AKAP19: variants seen among roughly 807,000 people sequenced by gnomAD.
AKAP19 encodes the protein small A-kinase anchoring protein.
At chr2:190,156,843 T>C in the AKAP19 span, among the ~76,000 whole-genome samples, 1 of 152,184 alleles carries the variant, frequency 6.6e-6, no homozygotes, top group African/African-American at 2.4e-5. Context: ...TAATCTGGTA[T>C]TATCCATTGT....
At chr2:190,017,898 C>T in the AKAP19 span, among the ~76,000 whole-genome samples, 1 of 152,262 alleles carries the variant, frequency 6.6e-6, no homozygotes, top group African/African-American at 2.4e-5. Context: ...GTCTCTTCCT[C>T]ATTTATAAAG....
chr2:190,115,140 AGT>A, the AKAP19 span, among the ~76,000 whole-genome samples: 2 of 123,888 alleles, frequency 1.6e-5, no homozygotes, highest in East Asian at 2.2e-4. Flanking sequence ...AGAGAGAAAG[AGT>A]GTGTGTGTGT....
At chr2:189,887,871 G>A in the AKAP19 span, among the ~76,000 whole-genome samples, 1 of 151,970 alleles carries the variant, frequency 6.6e-6, no homozygotes, top group Admixed American at 6.6e-5. Flanking sequence ...TTCTCAGATG[G>A]ATAGATTGCA....
the AKAP19 span, among the ~76,000 whole-genome samples, chr2:190,191,587 T>C: frequency 1.3e-5 from 2 of 152,214 alleles, no homozygotes; most frequent in South Asian, 4.1e-4. Context: ...CATTTTGCAT[T>C]CCCACCAGCA....
At chr2:189,909,570 A>G in the AKAP19 span, among the ~76,000 whole-genome samples, 2 of 152,014 alleles carry the variant, frequency 1.3e-5, no homozygotes, top group African/African-American at 4.8e-5. Context: ...GAAACGTGTT[A>G]TATTTATAAT....
At chr2:190,192,502 C>CTATA in the AKAP19 span, among the ~76,000 whole-genome samples, 1 of 137,952 alleles carries the variant, frequency 7.2e-6, no homozygotes, top group African/African-American at 2.9e-5. Context: ...ATCTATATAT[C>CTATA]TATATATATA....
the AKAP19 span, among the ~76,000 whole-genome samples, chr2:189,902,314 T>A: frequency 7.9e-5 from 12 of 151,996 alleles, no homozygotes; most frequent in African/African-American, 2.7e-4. Flanking sequence ...TAGTCTCTTC[T>A]TTGTTTTTTT....
At chr2:190,054,714 G>A in the AKAP19 span, among the ~76,000 whole-genome samples, 5 of 152,062 alleles carry the variant, frequency 3.3e-5, no homozygotes, top group Non-Finnish European at 7.4e-5. Context: ...GCAGCCAAAA[G>A]ACACATGAAA....
chr2:189,956,330 C>T, the AKAP19 span, among the ~76,000 whole-genome samples: 7 of 149,652 alleles, frequency 4.7e-5, no homozygotes, highest in Admixed American at 6.7e-5. Context: ...CCACTACGCC[C>T]GGCTAATTTT....
At chr2:190,097,230 C>G in the AKAP19 span, among the ~76,000 whole-genome samples, 1 of 152,236 alleles carries the variant, frequency 6.6e-6, no homozygotes, top group South Asian at 2.1e-4. Flanking sequence ...TCCCCCTAAC[C>G]CCTACCCCAA....
chr2:190,150,235 C>T, the AKAP19 span: 1 of 152,318 alleles, frequency 6.6e-6, no homozygotes, highest in Non-Finnish European at 1.5e-5. Context: ...GGCCAGGAGG[C>T]TTCTCACCCC....
At chr2:190,187,389 ACAG>A in the AKAP19 span, among the ~76,000 whole-genome samples, 2 of 150,932 alleles carry the variant, frequency 1.3e-5, no homozygotes, top group Non-Finnish European at 2.9e-5. Flanking sequence ...ATTCGTTTAC[ACAG>A]CAGATTTTAG....
At chr2:190,008,692 G>A in the AKAP19 span, among the ~76,000 whole-genome samples, 1 of 151,464 alleles carries the variant, frequency 6.6e-6, no homozygotes, top group Non-Finnish European at 1.5e-5. Context: ...TACTTTATGA[G>A]TTTCTTGGCT....
the AKAP19 span, among the ~76,000 whole-genome samples, chr2:189,907,422 G>T: frequency 6.6e-6 from 1 of 152,012 alleles, no homozygotes; most frequent in Non-Finnish European, 1.5e-5. Flanking sequence ...TCACTTACTT[G>T]AAGTTTCTGC....
chr2:189,931,034 T>C, the AKAP19 span: 1 of 598,256 alleles, frequency 1.7e-6, no homozygotes, highest in South Asian at 2.3e-5. Context: ...GGGGTGGGTG[T>C]GTGATCTGTG....
the AKAP19 span, among the ~76,000 whole-genome samples, chr2:190,102,339 AAG>A: frequency 6.6e-6 from 1 of 152,140 alleles, no homozygotes; most frequent in East Asian, 1.9e-4. Context: ...ACTAAAAAAA[AAG>A]AGTAGAACTG....
the AKAP19 span, among the ~76,000 whole-genome samples, chr2:190,124,730 T>G: frequency 6.6e-6 from 1 of 152,134 alleles, no homozygotes; most frequent in Non-Finnish European, 1.5e-5. Context: ...CTTTCTTACT[T>G]TATAAAAACT....
At chr2:189,984,649 T>C in the AKAP19 span, among the ~76,000 whole-genome samples, 10 of 152,242 alleles carry the variant, frequency 6.6e-5, no homozygotes, top group African/African-American at 1.4e-4. Flanking sequence ...AGGGTATTGA[T>C]TGGGGAAGTG....
At chr2:190,112,623 A>G in the AKAP19 span, among the ~76,000 whole-genome samples, 1 of 152,050 alleles carries the variant, frequency 6.6e-6, no homozygotes, top group African/African-American at 2.4e-5. Flanking sequence ...ACATTATCAA[A>G]TTCTTCTTCT....
Sources: gnomAD v4.1 joint callset for allele counts (sites outside exome capture counted in the v4.1 genomes callset) on GRCh38, gnomAD v4.1.1 for gene constraint, MANE v1.5 for transcripts, NCBI Gene and HGNC (gene_info 2026-07-23, HGNC 2026-07-21) for gene names.